Variants in DST observed in about 807,000 individuals in gnomAD.
DST encodes the protein dystonin.
A neutral mutation model predicts 875.2 loss-of-function variants in DST; 253 were observed. The ratio of observed to expected loss-of-function variants is 0.29; its 90% CI spans 0.26 to 0.32. The LOEUF (loss-of-function observed/expected upper bound fraction) is 0.32. Ranked by LOEUF, DST falls within the 10% of genes least tolerant of loss-of-function variation. The probability of loss-of-function intolerance (pLI) is 1.00; values close to 1 mark genes in which losing one functional copy is unlikely to be tolerated. For missense variants in DST, 8,287 were observed against 9,111.6 expected, an observed-to-expected ratio of 0.91 and a Z score of 3.68; for synonymous variants, 3,124 against 3,197.1, an observed-to-expected ratio of 0.98 and a Z score of 0.77.
intron 9 of DST, among the ~76,000 whole-genome samples, chr6:56,679,122 T>A (rs945771005): frequency 6.6e-6 from 1 of 152,184 alleles, no homozygotes; most frequent in Admixed American, 6.5e-5. Context: ...TTTTTCTTCC[T>A]CTACAGATGC....
chr6:56,645,374 T>C (rs1015257000), intron 15 of DST, among the ~76,000 whole-genome samples: 3 of 152,204 alleles, frequency 2.0e-5, no homozygotes, highest in African/African-American at 7.2e-5. Flanking sequence ...GTAAATCCAC[T>C]TGTAGAAGCG....
At chr6:56,890,617 C>T (rs918489192) in intron 3 of DST, among the ~76,000 whole-genome samples, 1 of 152,156 alleles carries the variant, frequency 6.6e-6, no homozygotes, top group African/African-American at 2.4e-5. Flanking sequence ...TAGTGATCCC[C>T]ATTACAAATT....
chr6:56,794,472 GT>G (rs889483043), intron 4 of DST, among the ~76,000 whole-genome samples: 5 of 152,176 alleles, frequency 3.3e-5, no homozygotes, highest in Non-Finnish European at 5.9e-5. Context: ...AGAACAAGTT[GT>G]ACCTGACTCA....
Position 56,604,993 on chromosome 6 carries a change from G to C in DST, c.9635C>G (p.Pro3212Arg), listed in dbSNP as rs1396453794. The C allele has an allele frequency of 4.3e-6, 7 of 1,612,822 alleles. No individual in the cohort carries two copies. Among genetic ancestry groups the C allele is most frequent in the Non-Finnish European group, 5.1e-6 (6 of 1,179,256 alleles). Residue 3212 changes from proline (P) to arginine (R), a missense_variant, in exon 40 of 104, where the codon CCT (proline) becomes CGT (arginine). Pro to Arg is a moderately radical substitution (Grantham distance 103, BLOSUM62 -2). Coordinates refer to ENST00000680361, the MANE Select transcript of DST (RefSeq NM_001374736.1). ...DVPSHVLITA[P>R]PMKEHLQLGV... ...TAATTGTAAATGTTCTTTCATGGGA[G>C]GGGCAGTTATTAAAACATGGCTTGG... is the stretch of plus-strand genomic sequence containing the variant.
intron 9 of DST, among the ~76,000 whole-genome samples, chr6:56,698,640 T>C (rs1373944992): frequency 6.6e-6 from 1 of 152,172 alleles, no homozygotes; most frequent in Non-Finnish European, 1.5e-5. Context: ...AAAAGTCTTA[T>C]TCCTCACCAG....
At chr6:56,657,914 T>C (rs1252290515) in intron 10 of DST, among the ~76,000 whole-genome samples, 1 of 152,016 alleles carries the variant, frequency 6.6e-6, no homozygotes, top group Non-Finnish European at 1.5e-5. Context: ...TACAGGCACC[T>C]ACCACCATGC....
intron 9 of DST, among the ~76,000 whole-genome samples, chr6:56,681,572 C>T (rs535385733): frequency 2.0e-5 from 3 of 152,314 alleles, no homozygotes; most frequent in African/African-American, 7.2e-5. Context: ...AAGTACTCCA[C>T]TCATACTGGT....
intron 5 of DST, among the ~76,000 whole-genome samples, chr6:56,716,577 G>A (rs997836018): frequency 2.0e-5 from 3 of 152,102 alleles, no homozygotes; most frequent in African/African-American, 7.2e-5. Context: ...AGAACCGGGG[G>A]GATGGCTCAC....
intron 4 of DST, among the ~76,000 whole-genome samples, chr6:56,797,743 C>G (rs777833104): frequency 1.4e-5 from 2 of 143,854 alleles, no homozygotes; most frequent in African/African-American, 2.6e-5. Flanking sequence ...CACTTGAACC[C>G]GGGAGCGGAG....
chr6:56,531,598 G>A (rs974537565), intron 64 of DST, among the ~76,000 whole-genome samples: 2 of 152,068 alleles, frequency 1.3e-5, no homozygotes, highest in African/African-American at 4.8e-5. Context: ...AAGAAGGTGG[G>A]AATTTATATA....
At chr6:56,683,770 C>T (rs901892616) in intron 9 of DST, among the ~76,000 whole-genome samples, 16 of 152,182 alleles carry the variant, frequency 1.1e-4, no homozygotes, top group South Asian at 2.1e-4. Context: ...CAAAAGGTTT[C>T]CAATTAACCT....
At chr6:56,648,183 G>A (rs953392754) in intron 13 of DST, among the ~76,000 whole-genome samples, 16 of 151,808 alleles carry the variant, frequency 1.1e-4, no homozygotes, top group Admixed American at 9.9e-4. Context: ...TTTTTAACAG[G>A]GCTCAACCAC....
At chr6:56,834,242 A>T (rs754208612) in intron 4 of DST, among the ~76,000 whole-genome samples, 35 of 152,266 alleles carry the variant, frequency 2.3e-4, no homozygotes, top group Non-Finnish European at 4.9e-4. Context: ...AAAAATGCTT[A>T]AAAAGCGGGC....
chr6:56,620,165 A>C (rs2098675157), intron 36 of DST: 1 of 1,613,496 alleles, frequency 6.2e-7, no homozygotes, highest in Non-Finnish European at 8.5e-7. Context: ...CTGCTTTATC[A>C]GCTTCAAGAG....
chr6:56,890,376 T>C (rs773698528), intron 3 of DST, among the ~76,000 whole-genome samples: 1 of 152,240 alleles, frequency 6.6e-6, no homozygotes, highest in Admixed American at 6.5e-5. Context: ...CAAAATGCTT[T>C]GTAATGTGAA....
At chr6:56,822,923 G>T (rs763478541) in intron 4 of DST, among the ~76,000 whole-genome samples, 1 of 151,834 alleles carries the variant, frequency 6.6e-6, no homozygotes, top group Non-Finnish European at 1.5e-5. Context: ...CGAATCCCGT[G>T]TTCAAGGAGA....
chr6:56,701,659 T>C (rs904206622), intron 8 of DST, among the ~76,000 whole-genome samples: 1 of 152,216 alleles, frequency 6.6e-6, no homozygotes, highest in African/African-American at 2.4e-5. Context: ...AGTTCTTACA[T>C]AGATGGAAAT....
intron 15 of DST, among the ~76,000 whole-genome samples, chr6:56,644,828 G>A (rs557968642): frequency 2.0e-5 from 3 of 152,308 alleles, no homozygotes; most frequent in African/African-American, 7.2e-5. Flanking sequence ...AATATGGTTT[G>A]CCTGTGTCCC....
At chr6:56,762,582 C>T (rs1401682176) in intron 4 of DST, among the ~76,000 whole-genome samples, 2 of 152,180 alleles carry the variant, frequency 1.3e-5, no homozygotes, top group Admixed American at 6.6e-5. Flanking sequence ...GACAAGAATG[C>T]TATCATAACT....
Sources: gnomAD v4.1 joint callset for allele counts (sites outside exome capture counted in the v4.1 genomes callset) on GRCh38, gnomAD v4.1.1 for gene constraint, MANE v1.5 for transcripts, NCBI Gene and HGNC (gene_info 2026-07-23, HGNC 2026-07-21) for gene names.